The following ATP2B2 variants were observed in gnomAD, a reference collection of about 807,000 sequenced individuals.
ATP2B2 encodes ATPase plasma membrane Ca2+ transporting 2.
Under a neutral mutation model 120.0 loss-of-function variants are expected in ATP2B2, and 15 were observed. That is an observed-to-expected ratio of 0.12 (90% confidence interval 0.08 to 0.19). The LOEUF (loss-of-function observed/expected upper bound fraction) is 0.19, where lower values mean the gene tolerates loss of function less well. ATP2B2 is among the 10% of genes least tolerant of loss of function. ATP2B2 has a pLI of 1.00. For synonymous variants in ATP2B2, 694 were observed against 700.3 expected (o/e 0.99, Z 0.14); for missense variants, 1,045 against 1,719.8 (o/e 0.61, Z 6.94).
At chr3:10,512,425 A>G (rs2066779617) in intron 3 of ATP2B2, among the ~76,000 whole-genome samples, 1 of 147,232 alleles carries the variant, frequency 6.8e-6, no homozygotes, top group Non-Finnish European at 1.5e-5. Flanking sequence ...CACATCAGCT[A>G]CCTCTGCTGA....
intron 14 of ATP2B2, among the ~76,000 whole-genome samples, chr3:10,356,817 C>T (rs928895192): frequency 3.9e-5 from 6 of 152,188 alleles, no homozygotes; most frequent in Admixed American, 1.3e-4. Context: ...GATAAACGGC[C>T]TGTCTGTCCA....
At chr3:10,673,399 C>CAGAG (rs142070938) in intron 1 of ATP2B2, among the ~76,000 whole-genome samples, 6 of 139,814 alleles carry the variant, frequency 4.3e-5, no homozygotes, top group Non-Finnish European at 7.8e-5. Context: ...AAGGAAGAGA[C>CAGAG]AGAGAGAGAG....
At chr3:10,666,403 C>T (rs1485511328) in intron 1 of ATP2B2, among the ~76,000 whole-genome samples, 2 of 152,190 alleles carry the variant, frequency 1.3e-5, no homozygotes, top group Admixed American at 6.5e-5. Context: ...TCTCTCTCTA[C>T]AACACTGTTT....
intron 8 of ATP2B2, among the ~76,000 whole-genome samples, chr3:10,382,374 T>C (rs1056096033): frequency 6.9e-6 from 1 of 144,824 alleles, no homozygotes; most frequent in Non-Finnish European, 1.5e-5. Context: ...TGAGACAGAG[T>C]CTCACTCTGT....
intron 2 of ATP2B2, among the ~76,000 whole-genome samples, chr3:10,580,501 C>A (rs2068364247): frequency 6.6e-6 from 1 of 152,160 alleles, no homozygotes; most frequent in African/African-American, 2.4e-5. Context: ...GTCAGCTTGG[C>A]CTGGTCCCAA....
At chr3:10,545,060 T>C (rs1417652444) in intron 2 of ATP2B2, among the ~76,000 whole-genome samples, 1 of 152,100 alleles carries the variant, frequency 6.6e-6, no homozygotes, top group Non-Finnish European at 1.5e-5. Flanking sequence ...CGAAAATGCA[T>C]AAACCACACC....
At chr3:10,645,344 T>C (rs543470102) in intron 1 of ATP2B2, among the ~76,000 whole-genome samples, 2 of 152,366 alleles carry the variant, frequency 1.3e-5, no homozygotes, top group African/African-American at 4.8e-5. Flanking sequence ...GTATGAACAG[T>C]GGATTAAGCA....
At chr3:10,575,792 G>C (rs143987242) in intron 2 of ATP2B2, among the ~76,000 whole-genome samples, 22 of 152,276 alleles carry the variant, frequency 1.4e-4, no homozygotes, top group Non-Finnish European at 2.8e-4. Flanking sequence ...CTCTATGTAG[G>C]GTTGCATTTG....
At chr3:10,472,422 G>T (rs1392117846) in intron 1 of ATP2B2, among the ~76,000 whole-genome samples, 1 of 152,198 alleles carries the variant, frequency 6.6e-6, no homozygotes, top group Admixed American at 6.5e-5. Flanking sequence ...CTGGGGGGAC[G>T]CTGCGGGGCA....
Position 10,375,885 on chromosome 3 carries a change from A to G in ATP2B2, c.1202-241T>C, listed in dbSNP as rs2061367403. On this transcript the variant is annotated intron_variant, in intron 10 of 22. Transcript: ENST00000360273. This position sits in a 1 kb window ranked among gnomAD's most constrained non-coding sequence, Gnocchi z 4.2. ...CCTCCCCAAGATTTTGTAAGGCTCAAATGTGGTAATAACGCATGCAAAGTG... is the reference window on the plus strand; with the variant it reads ...CCTCCCCAAGATTTTGTAAGGCTCAGATGTGGTAATAACGCATGCAAAGTG... Among the ~76,000 whole-genome samples the G allele has an allele frequency of 6.6e-6, 1 of 152,286 alleles. No homozygotes were observed.
At chr3:10,667,454 G>C (rs1000225993) in intron 1 of ATP2B2, among the ~76,000 whole-genome samples, 1 of 152,176 alleles carries the variant, frequency 6.6e-6, no homozygotes, top group Non-Finnish European at 1.5e-5. Context: ...GCAGGGAAAG[G>C]CTGGGTGAGA....
At chr3:10,609,873 C>T (rs2069182151) in intron 2 of ATP2B2, among the ~76,000 whole-genome samples, 2 of 152,010 alleles carry the variant, frequency 1.3e-5, no homozygotes, top group South Asian at 4.2e-4. Flanking sequence ...CTGAGTGACC[C>T]TTCAAGGACT....
At chr3:10,366,168 G>A (rs1454777159) in intron 12 of ATP2B2, among the ~76,000 whole-genome samples, 1 of 152,118 alleles carries the variant, frequency 6.6e-6, no homozygotes, top group Non-Finnish European at 1.5e-5. Context: ...GGACTTTGAG[G>A]CTCACTCGAA....
chr3:10,350,911 C>T (rs2060561615), intron 14 of ATP2B2, among the ~76,000 whole-genome samples: 1 of 152,212 alleles, frequency 6.6e-6, no homozygotes, highest in Non-Finnish European at 1.5e-5. Flanking sequence ...GGAAAGACTT[C>T]CATGAACGCC....
chr3:10,393,252 C>T (rs776778294), intron 5 of ATP2B2, among the ~76,000 whole-genome samples: 11 of 152,162 alleles, frequency 7.2e-5, no homozygotes, highest in South Asian at 2.1e-4. Context: ...TGGTAGCGGG[C>T]GGGCCGGGCC....
At chr3:10,585,802 G>A (rs555411162) in intron 2 of ATP2B2, among the ~76,000 whole-genome samples, 27 of 152,038 alleles carry the variant, frequency 1.8e-4, no homozygotes, top group African/African-American at 6.3e-4. Flanking sequence ...TTTTCCCCTC[G>A]TCATTTTCCA....
At chr3:10,535,389 G>A (rs2067293118) in intron 2 of ATP2B2, among the ~76,000 whole-genome samples, 1 of 135,582 alleles carries the variant, frequency 7.4e-6, no homozygotes, top group East Asian at 2.0e-4. Context: ...AGTTTGATGT[G>A]TGTGTGTGTG....
chr3:10,592,707 C>T (rs774557489), intron 2 of ATP2B2, among the ~76,000 whole-genome samples: 1 of 152,224 alleles, frequency 6.6e-6, no homozygotes, highest in Non-Finnish European at 1.5e-5. Context: ...GTCTGCTCAA[C>T]CCAAACACAA....
chr3:10,541,278 CTTAACT>C (rs1213848202), intron 2 of ATP2B2, among the ~76,000 whole-genome samples: 7 of 152,112 alleles, frequency 4.6e-5, no homozygotes, highest in Admixed American at 4.6e-4. Flanking sequence ...GATTTCTACT[CTTAACT>C]TTATTATTTC....
Sources: allele counts gnomAD v4.1 joint callset (sites outside exome capture counted in the v4.1 genomes callset), GRCh38; gene constraint gnomAD v4.1.1; non-coding constraint Gnocchi (gnomAD v3.1); transcripts MANE v1.5; gene names NCBI Gene and HGNC (gene_info 2026-07-23, HGNC 2026-07-21).